PHACTR1: variants seen among roughly 807,000 people sequenced by gnomAD.
PHACTR1 encodes the protein phosphatase and actin regulator 1, also known as RPEL repeat containing 1.
PHACTR1 carries 16 observed loss-of-function variants against 69.2 expected under a neutral mutation model. That is an observed-to-expected ratio of 0.23 (90% CI 0.16 to 0.35). The LOEUF (loss-of-function observed/expected upper bound fraction) is 0.35. Among genes scored for constraint, PHACTR1 ranks in the 10% least tolerant of loss-of-function variants. The pLI, the probability that PHACTR1 is intolerant of heterozygous loss-of-function variation, is 1.00. For missense variants in PHACTR1, 510 were observed against 734.7 expected, an observed-to-expected ratio of 0.69 and a Z score of 3.54; for synonymous variants, 312 against 284.5, an observed-to-expected ratio of 1.10 and a Z score of -0.97.
intron 4 of PHACTR1, among the ~76,000 whole-genome samples, chr6:12,902,354 C>T (rs1785294019): frequency 6.6e-6 from 1 of 152,126 alleles, no homozygotes; most frequent in Non-Finnish European, 1.5e-5. Flanking sequence ...ACTCGGGAGG[C>T]AGAAGTTGCA....
At chr6:13,266,871 G>A (rs1776804955) in intron 10 of PHACTR1, 1 of 152,198 alleles carries the variant, frequency 6.6e-6, no homozygotes, top group Non-Finnish European at 1.5e-5. Context: ...ACATGTGATT[G>A]GCAGGGACAC....
chr6:13,278,409 T>C, intron 12 of PHACTR1, 80 bp downstream of exon 12: 2 of 1,342,308 alleles, frequency 1.5e-6, no homozygotes, highest in African/African-American at 1.5e-5. Flanking sequence ...CTGGCCTCAG[T>C]GGCCTCACCG....
intron 10 of PHACTR1, among the ~76,000 whole-genome samples, chr6:13,247,133 C>T (rs1158592268): frequency 6.6e-6 from 1 of 152,104 alleles, no homozygotes. Flanking sequence ...CTCATTAAAA[C>T]AACAGTTATT....
chr6:12,943,656 A>C (rs568690293), intron 4 of PHACTR1, among the ~76,000 whole-genome samples: 2 of 152,348 alleles, frequency 1.3e-5, no homozygotes, highest in South Asian at 4.1e-4. Context: ...CTGATGATGA[A>C]ATTAAAATGC....
chr6:13,103,339 G>A (rs1815496679), intron 5 of PHACTR1, among the ~76,000 whole-genome samples: 1 of 152,194 alleles, frequency 6.6e-6, no homozygotes, highest in Admixed American at 6.5e-5. Context: ...TCTTTTCCAA[G>A]GAGAAACAGG....
intron 4 of PHACTR1, among the ~76,000 whole-genome samples, chr6:12,930,533 C>T (rs1788754469): frequency 6.6e-6 from 1 of 152,150 alleles, no homozygotes; most frequent in African/African-American, 2.4e-5. Flanking sequence ...AACTTGTTCC[C>T]CAGAAAGTCA....
intron 4 of PHACTR1, among the ~76,000 whole-genome samples, chr6:13,016,714 A>G (rs1800230606): frequency 6.6e-6 from 1 of 152,116 alleles, no homozygotes; most frequent in Non-Finnish European, 1.5e-5. Flanking sequence ...TGTATTGTTA[A>G]GAAACCATAG....
rs1191462448 is a variant in PHACTR1 at position 13,245,965 on chromosome 6, AT to A, written c.1391+15773del. ...TGTAATAGAACATTTTAGAACTTAA[AT>A]GGACATTTACTATCACTGCATCTAG... On this transcript the variant is annotated intron_variant, in intron 10 of 14. Coordinates refer to ENST00000332995, the MANE Select transcript of PHACTR1 (RefSeq NM_030948.6). This position sits in a 1 kb window ranked among gnomAD's most constrained non-coding sequence, Gnocchi z 4.1. Among the ~76,000 whole-genome samples the A allele has an allele frequency of 1.3e-5, 2 of 152,200 alleles. No homozygotes were observed. Among genetic ancestry groups the A allele is most frequent in the Non-Finnish European group, 2.9e-5 (2 of 68,028 alleles).
chr6:12,720,921 G>T (rs1762042352), intron 3 of PHACTR1, among the ~76,000 whole-genome samples: 1 of 152,172 alleles, frequency 6.6e-6, no homozygotes, highest in Non-Finnish European at 1.5e-5. Flanking sequence ...GTGGTTGCAG[G>T]CTCCTCTGCA....
intron 5 of PHACTR1, among the ~76,000 whole-genome samples, chr6:13,130,261 C>T (rs1020999384): frequency 4.0e-5 from 6 of 151,664 alleles, no homozygotes; most frequent in African/African-American, 1.5e-4. Flanking sequence ...ACAAACCAAA[C>T]CCAAATCCAG....
At chr6:12,960,988 A>G (rs6906890) in intron 4 of PHACTR1, among the ~76,000 whole-genome samples, 33,025 of 152,128 alleles carry the variant, frequency 0.22, 4,324 homozygotes, top group African/African-American at 0.36. Flanking sequence ...ATTACTCTAA[A>G]GGGTAAAGAT....
At chr6:13,113,310 A>G (rs1367451359) in intron 5 of PHACTR1, among the ~76,000 whole-genome samples, 1 of 152,170 alleles carries the variant, frequency 6.6e-6, no homozygotes, top group Non-Finnish European at 1.5e-5. Flanking sequence ...CCATTAAATA[A>G]ATTGAATCAT....
At chr6:13,241,000 T>A (rs1772761631) in intron 10 of PHACTR1, among the ~76,000 whole-genome samples, 1 of 152,184 alleles carries the variant, frequency 6.6e-6, no homozygotes, top group South Asian at 2.1e-4. Context: ...GCACATCTTC[T>A]AAATCCAGGG....
intron 4 of PHACTR1, among the ~76,000 whole-genome samples, chr6:12,979,250 G>A (rs534185789): frequency 2.0e-4 from 30 of 152,258 alleles, no homozygotes; most frequent in African/African-American, 7.0e-4. Flanking sequence ...AAGTTTACCT[G>A]GCCCCTTATT....
chr6:13,073,802 A>G (rs553928083), intron 5 of PHACTR1, among the ~76,000 whole-genome samples: 5 of 152,040 alleles, frequency 3.3e-5, no homozygotes, highest in African/African-American at 1.2e-4. Context: ...GGGATTCCAG[A>G]CTATCCCATA....
intron 7 of PHACTR1, 112 bp from the exon 8 acceptor site, chr6:13,205,703 C>T (rs1765805294): frequency 1.9e-6 from 2 of 1,027,442 alleles, no homozygotes; most frequent in Non-Finnish European, 2.8e-6. Flanking sequence ...ACGCATTTTA[C>T]CTAAGAGGCT....
chr6:12,977,264 C>T (rs940240902), intron 4 of PHACTR1, among the ~76,000 whole-genome samples: 1 of 152,062 alleles, frequency 6.6e-6, no homozygotes, highest in Non-Finnish European at 1.5e-5. Context: ...AAATGATCTG[C>T]AGTTTTAGGC....
intron 3 of PHACTR1, among the ~76,000 whole-genome samples, chr6:12,736,126 G>C (rs985731289): frequency 2.0e-5 from 3 of 152,256 alleles, no homozygotes; most frequent in Non-Finnish European, 2.9e-5. Context: ...AATGTTCCAG[G>C]ATCTATGTAC....
intron 5 of PHACTR1, among the ~76,000 whole-genome samples, chr6:13,153,074 A>G (rs1403266459): frequency 6.6e-6 from 1 of 152,182 alleles, no homozygotes; most frequent in Non-Finnish European, 1.5e-5. Context: ...GAATAGATTC[A>G]TTTGGATGTG....
Sources: allele counts gnomAD v4.1 joint callset (sites outside exome capture counted in the v4.1 genomes callset), GRCh38; gene constraint gnomAD v4.1.1; non-coding constraint Gnocchi (gnomAD v3.1); transcripts MANE v1.5; gene names NCBI Gene and HGNC (gene_info 2026-07-23, HGNC 2026-07-21).